DYNC1I2: variants seen among roughly 807,000 people sequenced by gnomAD.
The protein encoded by DYNC1I2 is dynein cytoplasmic 1 intermediate chain 2.
Under a neutral mutation model 88.6 loss-of-function variants are expected in DYNC1I2, and 53 were observed. That is an observed-to-expected ratio of 0.60 (90% CI 0.48 to 0.75). DYNC1I2 has a LOEUF of 0.75. DYNC1I2 is among the 30% of genes least tolerant of loss of function. DYNC1I2 has a pLI of 0.00. For missense variants in DYNC1I2, 458 were observed against 766.6 expected, an observed-to-expected ratio of 0.60 and a Z score of 4.75; for synonymous variants, 198 against 254.6, an observed-to-expected ratio of 0.78 and a Z score of 2.12.
At chr2:171,728,452 C>A in intron 13 of DYNC1I2, 34 bp downstream of exon 13, 2 of 1,331,522 alleles carry the variant, frequency 1.5e-6, no homozygotes, top group East Asian at 2.4e-5. Flanking sequence ...AATTTTGAGG[C>A]AAATGTTATG....
intron 7 of DYNC1I2, among the ~76,000 whole-genome samples, chr2:171,720,107 A>C (rs1468710889): frequency 6.6e-6 from 1 of 151,258 alleles, no homozygotes; most frequent in African/African-American, 2.4e-5. Context: ...TAATCTAATC[A>C]GCTTGTTTAC....
chr2:171,727,178 G>A lies in DYNC1I2; in HGVS notation c.996+262G>A, dbSNP rs576400574. On this transcript the variant is annotated intron_variant, in intron 11 of 17. Transcript: ENST00000397119. Reference sequence around the variant, plus strand: ...CTTTGCAGTTGTGATTTTCTGTTATGGTGATTGACTGTATAAAAGGAATCT... The same window carrying A: ...CTTTGCAGTTGTGATTTTCTGTTATAGTGATTGACTGTATAAAAGGAATCT... Among the ~76,000 whole-genome samples the A allele has an allele frequency of 2.0e-5, 3 of 152,122 alleles. No individual in the cohort carries two copies. In the East Asian group the frequency reaches 5.8e-4, roughly 29 times the overall value.
At chr2:171,720,058 G>C (rs951040259) in intron 7 of DYNC1I2, among the ~76,000 whole-genome samples, 1 of 106,858 alleles carries the variant, frequency 9.4e-6, no homozygotes, top group Non-Finnish European at 1.9e-5. Flanking sequence ...GCTATTTTTT[G>C]AAAGATTATT....
chr2:171,700,422 A>T (rs1010526572), intron 3 of DYNC1I2, among the ~76,000 whole-genome samples: 1 of 152,174 alleles, frequency 6.6e-6, no homozygotes, highest in African/African-American at 2.4e-5. Flanking sequence ...TTTACCCATA[A>T]ATCAAAGTCA....
intron 7 of DYNC1I2, among the ~76,000 whole-genome samples, chr2:171,722,761 A>G (rs906224983): frequency 1.7e-4 from 26 of 152,166 alleles, no homozygotes; most frequent in Non-Finnish European, 3.7e-4. Flanking sequence ...TAGCAAAAAG[A>G]TTGCATTTTA....
At chr2:171,697,986 A>G (rs192907900) in intron 3 of DYNC1I2, among the ~76,000 whole-genome samples, 1 of 152,332 alleles carries the variant, frequency 6.6e-6, no homozygotes, top group African/African-American at 2.4e-5. Flanking sequence ...ATCTCTGGCT[A>G]TTGAGCAATG....
chr2:171,720,200 C>T lies in DYNC1I2; in HGVS notation c.511+4757C>T, dbSNP rs13401081. ...AGAATATCGGGCATACATCCAGAAA[C>T]TGGCACTTGATTTCTAGTGAAGTAC... On this transcript the variant is annotated intron_variant, in intron 7 of 17. Transcript: ENST00000397119. Among the ~76,000 whole-genome samples the T allele has an allele frequency of 2.0e-5, 3 of 152,194 alleles. No homozygotes were observed. In the East Asian group the frequency reaches 5.8e-4, roughly 29 times the overall value.
At chr2:171,709,431 G>A (rs572234117) in intron 5 of DYNC1I2, among the ~76,000 whole-genome samples, 36 of 152,132 alleles carry the variant, frequency 2.4e-4, no homozygotes, top group Non-Finnish European at 2.9e-4. Flanking sequence ...AAATACTATG[G>A]TTTACCACAG....
At position 171,692,782 on chromosome 2, in the gene DYNC1I2, C is replaced by A. The variant is rs1685493019; in HGVS notation, c.114C>A (p.Asp38Glu). The A allele has an allele frequency of 6.3e-7, 1 of 1,599,634 alleles. No individual in the cohort carries two copies. The highest frequency in any genetic ancestry group is 8.5e-7 in the Non-Finnish European group (1 of 1,173,680). The change falls in exon 3 of 18, where the codon GAC becomes GAA. Residue 38 changes from aspartate (D) to glutamate (E), a missense_variant. By Grantham distance (45) the Asp-to-Glu change is conservative. Transcript: ENST00000397119. ...TTTTAACCTAAACATTTTAGACAGA[C>A]CAGAAGAAGGAAGCTGTTGCTCCTG... ...KEEERKKKET[D>E]QKKEAVAPVQ... is the part of the protein sequence containing the mutation.
At chr2:171,740,952 C>A (rs145735866) in intron 15 of DYNC1I2, among the ~76,000 whole-genome samples, 2 of 152,124 alleles carry the variant, frequency 1.3e-5, no homozygotes, top group Non-Finnish European at 2.9e-5. Context: ...AGCAGTCACT[C>A]CACATTCTCC....
intron 15 of DYNC1I2, among the ~76,000 whole-genome samples, chr2:171,731,810 G>A: frequency 6.6e-6 from 1 of 152,116 alleles, no homozygotes. Flanking sequence ...GGAAAAGCAA[G>A]TTGGAAAATG....
chr2:171,703,409 G>A (rs948916988), intron 3 of DYNC1I2, among the ~76,000 whole-genome samples: 4 of 139,140 alleles, frequency 2.9e-5, no homozygotes, highest in African/African-American at 1.1e-4. Flanking sequence ...CTGATTTTTT[G>A]TAGAGACAGA....
At chr2:171,701,500 T>G (rs888232320) in intron 3 of DYNC1I2, among the ~76,000 whole-genome samples, 3 of 152,188 alleles carry the variant, frequency 2.0e-5, no homozygotes, top group Non-Finnish European at 4.4e-5. Flanking sequence ...CCAACTTTTT[T>G]TTTGTTTGTT....
At chr2:171,714,054 C>CT in intron 6 of DYNC1I2, among the ~76,000 whole-genome samples, 1 of 152,186 alleles carries the variant, frequency 6.6e-6, no homozygotes, top group South Asian at 2.1e-4. Flanking sequence ...TTTTTTCCAG[C>CT]TATGTGAGTG....
intron 8 of DYNC1I2, 89 bp from the exon 9 acceptor site, chr2:171,725,827 AAAT>A (rs1294477731): frequency 4.0e-5 from 53 of 1,320,600 alleles, no homozygotes; most frequent in Non-Finnish European, 5.1e-5. Flanking sequence ...TCTGATTGAA[AAAT>A]AATAACATAC....
intron 9 of DYNC1I2, 36 bp from the exon 10 acceptor site, chr2:171,726,158 C>A: frequency 6.3e-7 from 1 of 1,586,010 alleles, no homozygotes; most frequent in Non-Finnish European, 8.6e-7. Flanking sequence ...AAAGTTATAA[C>A]ACCATCTTTT....
At chr2:171,706,746 C>CT in intron 4 of DYNC1I2, 182 bp downstream of exon 4, 1 of 491,702 alleles carries the variant, frequency 2.0e-6, no homozygotes, top group Non-Finnish European at 3.5e-6. Flanking sequence ...AAATTGATAT[C>CT]TTTTTTTGGG....
chr2:171,749,293 ATTTTC>A lies in DYNC1I2; in HGVS notation c.*1408_*1412del, dbSNP rs1689972958. On this transcript the variant is annotated 3_prime_UTR_variant, in exon 18 of 18. Transcript: ENST00000397119. ...TAAGTTTTGATTTAATGATTTCTGAATTTTCTTTCAGCTCTACTCAATTAAGGGGT... is the reference window on the plus strand; with the variant it reads ...TAAGTTTTGATTTAATGATTTCTGAATTTCAGCTCTACTCAATTAAGGGGT... Among the ~76,000 whole-genome samples the A allele has an allele frequency of 6.6e-6, 1 of 152,082 alleles. No homozygotes were observed. Among genetic ancestry groups the A allele is most frequent in the South Asian group, 2.1e-4 (1 of 4,836 alleles).
chr2:171,724,187 T>C (rs920936829), intron 7 of DYNC1I2, among the ~76,000 whole-genome samples: 3 of 152,234 alleles, frequency 2.0e-5, no homozygotes, highest in Non-Finnish European at 4.4e-5. Context: ...GGTTGTATCA[T>C]TGTGTGCATT....
Sources: gnomAD v4.1 joint callset for allele counts (sites outside exome capture counted in the v4.1 genomes callset) on GRCh38, gnomAD v4.1.1 for gene constraint, MANE v1.5 for transcripts, NCBI Gene and HGNC (gene_info 2026-07-23, HGNC 2026-07-21) for gene names.